The following EPHB1 variants were observed in gnomAD, a reference collection of about 807,000 sequenced individuals.
EPHB1 encodes the protein ephrin type-B receptor 1.
In EPHB1, 30 loss-of-function variants were observed where a neutral mutation model predicts 94.4. The observed-to-expected ratio is 0.32, with a 90% CI of 0.24 to 0.43. The LOEUF (loss-of-function observed/expected upper bound fraction) is 0.43. Ranked by LOEUF, EPHB1 falls within the 20% of genes least tolerant of loss-of-function variation. The pLI is 1.00. For synonymous variants in EPHB1, 522 were observed against 489.1 expected, an observed-to-expected ratio of 1.07 and a Z score of -0.89; for missense variants, 1,055 against 1,308.3, an observed-to-expected ratio of 0.81 and a Z score of 2.99.
chr3:135,238,748 T>TCACA (rs3036897), intron 12 of EPHB1, among the ~76,000 whole-genome samples: 2 of 150,938 alleles, frequency 1.3e-5, no homozygotes, highest in African/African-American at 4.9e-5. Context: ...TCTCTCTCTC[T>TCACA]CACACACACA....
intron 3 of EPHB1, among the ~76,000 whole-genome samples, chr3:135,045,235 T>G (rs1936964626): frequency 6.6e-6 from 1 of 152,116 alleles, no homozygotes; most frequent in Admixed American, 6.5e-5. Flanking sequence ...AATGCACTAG[T>G]AGTCATTGTT....
At chr3:135,183,686 G>A (rs1942252636) in intron 10 of EPHB1, among the ~76,000 whole-genome samples, 1 of 152,188 alleles carries the variant, frequency 6.6e-6, no homozygotes, top group Non-Finnish European at 1.5e-5. Flanking sequence ...ACTCAGGGAA[G>A]AGGGAACAAA....
chr3:135,097,595 A>G (rs1938852063), intron 3 of EPHB1, among the ~76,000 whole-genome samples: 1 of 152,144 alleles, frequency 6.6e-6, no homozygotes, highest in Non-Finnish European at 1.5e-5. Flanking sequence ...TAGGCTTGCT[A>G]CTGCTACTGC....
At chr3:134,848,173 G>T (rs547691565) in intron 1 of EPHB1, among the ~76,000 whole-genome samples, 161 of 152,246 alleles carry the variant, frequency 1.1e-3, no homozygotes, top group African/African-American at 3.5e-3. Flanking sequence ...TAAACTGCAG[G>T]GCTGTTGAAC....
At chr3:135,095,408 A>G (rs1385430814) in intron 3 of EPHB1, among the ~76,000 whole-genome samples, 1 of 152,134 alleles carries the variant, frequency 6.6e-6, no homozygotes, top group African/African-American at 2.4e-5. Flanking sequence ...GAATCTATCT[A>G]CTTCTCTCTG....
intron 2 of EPHB1, among the ~76,000 whole-genome samples, chr3:134,945,649 T>G (rs2039203553): frequency 6.6e-6 from 1 of 152,202 alleles, no homozygotes; most frequent in African/African-American, 2.4e-5. Flanking sequence ...CATTTTATCT[T>G]TTTAATTTTC....
intron 1 of EPHB1, among the ~76,000 whole-genome samples, chr3:134,890,236 A>T (rs767384253): frequency 1.3e-5 from 2 of 152,172 alleles, no homozygotes; most frequent in Non-Finnish European, 2.9e-5. Context: ...AGCAATCCAG[A>T]TGTTTATAAA....
chr3:134,856,865 T>C (rs1238106155), intron 1 of EPHB1, among the ~76,000 whole-genome samples: 3 of 152,254 alleles, frequency 2.0e-5, no homozygotes, highest in African/African-American at 7.2e-5. Flanking sequence ...TGATTTGCAT[T>C]ATGTTTCTAT....
chr3:135,049,708 C>A (rs527297116), intron 3 of EPHB1, among the ~76,000 whole-genome samples: 105 of 152,328 alleles, frequency 6.9e-4, no homozygotes, highest in African/African-American at 2.4e-3. Flanking sequence ...GTATCAGGTA[C>A]TTTGGGGACC....
At chr3:135,019,677 C>T (rs1348084024) in intron 3 of EPHB1, among the ~76,000 whole-genome samples, 1 of 152,166 alleles carries the variant, frequency 6.6e-6, no homozygotes, top group East Asian at 1.9e-4. Flanking sequence ...TTGAATATTA[C>T]ATTGTGATCG....
At chr3:135,226,833 T>C (rs1266480513) in intron 12 of EPHB1, among the ~76,000 whole-genome samples, 1 of 149,836 alleles carries the variant, frequency 6.7e-6, no homozygotes, top group East Asian at 1.9e-4. Context: ...ACACAGTCAT[T>C]AAGGAAAAAA....
rs538458880 is a variant in EPHB1 at position 135,020,606 on chromosome 3, C to T, written c.805+68554C>T. Among the ~76,000 whole-genome samples the T allele has an allele frequency of 2.0e-5, 3 of 152,296 alleles. No homozygotes were observed. The South Asian group carries it at 6.2e-4, about 32-fold the overall frequency. ...AGCATGTCTCAATACCTCAATTTGCCATTAGACTTTCTTATGATTTTAATA... is the reference window on the plus strand; with the variant it reads ...AGCATGTCTCAATACCTCAATTTGCTATTAGACTTTCTTATGATTTTAATA... On this transcript the variant is annotated intron_variant, in intron 3 of 15. Coordinates refer to ENST00000398015, the MANE Select transcript of EPHB1 (RefSeq NM_004441.5).
At chr3:134,811,175 G>A (rs1218246979) in intron 1 of EPHB1, among the ~76,000 whole-genome samples, 2 of 148,684 alleles carry the variant, frequency 1.3e-5, no homozygotes, top group Non-Finnish European at 3.0e-5. Flanking sequence ...CTATCACAGA[G>A]TTCTTGCAGC....
At chr3:135,124,138 A>G (rs1394820085) in intron 4 of EPHB1, among the ~76,000 whole-genome samples, 1 of 151,644 alleles carries the variant, frequency 6.6e-6, no homozygotes, top group African/African-American at 2.4e-5. Flanking sequence ...ATCTTCCTCA[A>G]AGAAGGAACC....
chr3:135,075,883 G>A (rs1016856431), intron 3 of EPHB1, among the ~76,000 whole-genome samples: 4 of 152,182 alleles, frequency 2.6e-5, no homozygotes, highest in African/African-American at 4.8e-5. Context: ...TGTAGGTAAC[G>A]TTAGCCCTTT....
chr3:134,912,433 T>C (rs2038473398), intron 1 of EPHB1, among the ~76,000 whole-genome samples: 1 of 152,250 alleles, frequency 6.6e-6, no homozygotes, highest in Non-Finnish European at 1.5e-5. Context: ...AGCAGTGGGC[T>C]TCTGGCCAGG....
At chr3:135,130,663 A>T (rs558288329) in intron 4 of EPHB1, among the ~76,000 whole-genome samples, 2 of 152,260 alleles carry the variant, frequency 1.3e-5, no homozygotes, top group African/African-American at 4.8e-5. Flanking sequence ...GAAAGTCTCA[A>T]TGGGTGAGAG....
intron 3 of EPHB1, among the ~76,000 whole-genome samples, chr3:135,097,633 G>A (rs1199783778): frequency 2.0e-5 from 3 of 152,196 alleles, no homozygotes; most frequent in African/African-American, 7.2e-5. Flanking sequence ...AGCACAGTAA[G>A]TTACAGTCTC....
At chr3:134,917,398 A>G (rs2038597252) in intron 1 of EPHB1, among the ~76,000 whole-genome samples, 1 of 152,222 alleles carries the variant, frequency 6.6e-6, no homozygotes, top group Non-Finnish European at 1.5e-5. Context: ...CTACCTTGGA[A>G]GAGCCCTGGA....
Sources: gnomAD v4.1 joint callset for allele counts (sites outside exome capture counted in the v4.1 genomes callset) on GRCh38, gnomAD v4.1.1 for gene constraint, MANE v1.5 for transcripts, NCBI Gene and HGNC (gene_info 2026-07-23, HGNC 2026-07-21) for gene names.